NAALADL2: variants seen among roughly 807,000 people sequenced by gnomAD.
NAALADL2 encodes N-acetylated alpha-linked acidic dipeptidase like 2.
A neutral mutation model predicts 87.2 loss-of-function variants in NAALADL2; 76 were observed. That is an observed-to-expected ratio of 0.87 (90% CI 0.72 to 1.05). The LOEUF (loss-of-function observed/expected upper bound fraction) is 1.05. Among genes scored for constraint, NAALADL2 ranks in the 50% least tolerant of loss-of-function variants. The probability of loss-of-function intolerance (pLI) is 0.00; values close to 1 mark genes in which losing one functional copy is unlikely to be tolerated. For synonymous variants in NAALADL2, 354 were observed against 331.0 expected, an observed-to-expected ratio of 1.07 and a Z score of -0.75; for missense variants, 1,089 against 945.8, an observed-to-expected ratio of 1.15 and a Z score of -1.99.
At chr3:174,612,717 G>A (rs369671223) in intron 2 of NAALADL2, among the ~76,000 whole-genome samples, 2 of 151,898 alleles carry the variant, frequency 1.3e-5, no homozygotes, top group African/African-American at 4.8e-5. Flanking sequence ...GAAATTCTTT[G>A]AGTTTCTTCA....
intron 1 of NAALADL2, among the ~76,000 whole-genome samples, chr3:174,985,667 G>T (rs1040897062): frequency 6.6e-6 from 1 of 152,028 alleles, no homozygotes; most frequent in South Asian, 2.1e-4. Flanking sequence ...TCTTAAAAAG[G>T]GTAGGTTGGG....
intron 1 of NAALADL2, among the ~76,000 whole-genome samples, chr3:174,480,368 A>G (rs1214383312): frequency 6.6e-6 from 1 of 152,078 alleles, no homozygotes; most frequent in Non-Finnish European, 1.5e-5. Context: ...ATCAATAGAC[A>G]GATATTTAGC....
At chr3:175,411,898 T>C (rs1417057268) in intron 5 of NAALADL2, among the ~76,000 whole-genome samples, 1 of 152,206 alleles carries the variant, frequency 6.6e-6, no homozygotes, top group African/African-American at 2.4e-5. Flanking sequence ...GCTTGCAAGA[T>C]GCCAGAGCTT....
chr3:174,596,493 G>C (rs992194073), intron 2 of NAALADL2, among the ~76,000 whole-genome samples: 1 of 152,160 alleles, frequency 6.6e-6, no homozygotes, highest in Non-Finnish European at 1.5e-5. Flanking sequence ...TGGAGGGTTT[G>C]TTGAATCAGA....
intron 11 of NAALADL2, chr3:175,718,195 G>GTGTTTTT: frequency 6.7e-5 from 55 of 822,732 alleles, no homozygotes; most frequent in East Asian, 2.1e-4. Flanking sequence ...AGGGCCTGTG[G>GTGTTTTT]TTTTTTTTTT....
chr3:175,278,761 G>C (rs192830295), intron 4 of NAALADL2, among the ~76,000 whole-genome samples: 1 of 152,118 alleles, frequency 6.6e-6, no homozygotes, highest in Non-Finnish European at 1.5e-5. Flanking sequence ...GGCCTCAGTG[G>C]TTAATTATAT....
chr3:175,355,022 A>ATGTGTG (rs3067322), intron 5 of NAALADL2, among the ~76,000 whole-genome samples: 3,221 of 139,384 alleles, frequency 0.023, 133 homozygotes, highest in African/African-American at 0.082. Flanking sequence ...CTATATATAT[A>ATGTGTG]TGTGTGTGTG....
chr3:174,716,143 G>T (rs1015514781), intron 2 of NAALADL2, among the ~76,000 whole-genome samples: 1 of 151,980 alleles, frequency 6.6e-6, no homozygotes, highest in Non-Finnish European at 1.5e-5. Context: ...TTAACAAATA[G>T]AATATCCTTA....
chr3:175,545,424 G>T (rs866379875), intron 9 of NAALADL2, among the ~76,000 whole-genome samples: 1 of 151,970 alleles, frequency 6.6e-6, no homozygotes, highest in African/African-American at 2.4e-5. Flanking sequence ...ATCTTGTAAA[G>T]GAATGAATGA....
intron 5 of NAALADL2, among the ~76,000 whole-genome samples, chr3:175,345,791 C>A (rs955304165): frequency 6.6e-6 from 1 of 152,062 alleles, no homozygotes; most frequent in East Asian, 1.9e-4. Context: ...TGTTTAATAA[C>A]CAGATGACAC....
chr3:175,055,440 T>C (rs1185335062), intron 1 of NAALADL2, among the ~76,000 whole-genome samples: 1 of 152,202 alleles, frequency 6.6e-6, no homozygotes, highest in African/African-American at 2.4e-5. Context: ...TTGGGACCTT[T>C]TGCAGGGGTT....
intron 2 of NAALADL2, among the ~76,000 whole-genome samples, chr3:174,566,773 C>G (rs749216444): frequency 4.7e-5 from 7 of 150,428 alleles, no homozygotes; most frequent in Non-Finnish European, 7.4e-5. Flanking sequence ...GTTTCATTTT[C>G]AATTTTTTTT....
At chr3:174,537,777 T>C (rs1385331644) in intron 1 of NAALADL2, among the ~76,000 whole-genome samples, 1 of 152,198 alleles carries the variant, frequency 6.6e-6, no homozygotes, top group Non-Finnish European at 1.5e-5. Context: ...AGAATTCAGA[T>C]ATAATCATGT....
At chr3:175,724,181 C>T (rs576017118) in intron 11 of NAALADL2, among the ~76,000 whole-genome samples, 40 of 152,126 alleles carry the variant, frequency 2.6e-4, no homozygotes, top group African/African-American at 7.5e-4. Context: ...GGTCATATCA[C>T]GTGGTTTAAC....
At position 175,730,970 on chromosome 3, in the gene NAALADL2, G is replaced by T. The variant is rs3979291; in HGVS notation, c.1897-6336G>T. ...TCAGGATTGGAAATAAGATATTACA[G>T]GTATTGGCTGGTAGTATTACAAGAA... On this transcript the variant is annotated intron_variant, in intron 11 of 13. Transcript: ENST00000454872. Among the ~76,000 whole-genome samples the T allele has an allele frequency of 9.7e-3, 1,480 of 152,236 alleles. 16 individuals carry two copies. The highest frequency in any genetic ancestry group is 0.033 in the African/African-American group (1,386 of 41,544).
At chr3:174,812,183 T>C (rs559630741) in intron 3 of NAALADL2, among the ~76,000 whole-genome samples, 1 of 152,092 alleles carries the variant, frequency 6.6e-6, no homozygotes, top group Non-Finnish European at 1.5e-5. Context: ...CAAATACAAA[T>C]TGCTTATTGT....
At chr3:175,255,477 T>A (rs952317136) in intron 3 of NAALADL2, among the ~76,000 whole-genome samples, 1 of 152,232 alleles carries the variant, frequency 6.6e-6, no homozygotes, top group East Asian at 1.9e-4. Flanking sequence ...TCTTTTTTAA[T>A]CAGCCTCTCT....
chr3:175,370,637 G>A (rs892599994), intron 5 of NAALADL2, among the ~76,000 whole-genome samples: 40 of 152,238 alleles, frequency 2.6e-4, no homozygotes, highest in African/African-American at 9.1e-4. Context: ...GCTTTGAGAG[G>A]TCCTTTAGCC....
chr3:175,276,766 T>C (rs934571682), intron 4 of NAALADL2, among the ~76,000 whole-genome samples: 2 of 152,220 alleles, frequency 1.3e-5, no homozygotes, highest in African/African-American at 4.8e-5. Context: ...TATACATTCT[T>C]ATTTATTTTT....
Sources: allele counts gnomAD v4.1 joint callset (sites outside exome capture counted in the v4.1 genomes callset), GRCh38; gene constraint gnomAD v4.1.1; transcripts MANE v1.5; gene names NCBI Gene and HGNC (gene_info 2026-07-23, HGNC 2026-07-21).